Variants in BTNL8 observed in about 807,000 individuals in gnomAD.
The protein encoded by BTNL8 is butyrophilin like 8.
BTNL8 carries 22 observed loss-of-function variants against 36.1 expected under a neutral mutation model. The ratio of observed to expected loss-of-function variants is 0.61; its 90% CI spans 0.44 to 0.87. BTNL8 has a LOEUF of 0.87. BTNL8 is among the 40% of genes least tolerant of loss of function. The probability of loss-of-function intolerance (pLI) is 0.00; values close to 1 mark genes in which losing one functional copy is unlikely to be tolerated. For synonymous variants in BTNL8, 203 were observed against 235.6 expected (o/e 0.86, Z 1.27); for missense variants, 526 against 616.9 (o/e 0.85, Z 1.56).
At chr5:180,939,343 G>C (rs963948520) in intron 3 of BTNL8, among the ~76,000 whole-genome samples, 3 of 151,750 alleles carry the variant, frequency 2.0e-5, no homozygotes, top group African/African-American at 7.3e-5. Flanking sequence ...CACAAAGACT[G>C]AAATTGAGGG....
chr5:180,929,980 C>A (rs1385399086), intron 3 of BTNL8, among the ~76,000 whole-genome samples: 1 of 152,206 alleles, frequency 6.6e-6, no homozygotes, highest in Admixed American at 6.5e-5. Flanking sequence ...CCACCATCAT[C>A]CTGATACCAA....
chr5:180,936,406 A>T (rs1326499643), intron 3 of BTNL8, among the ~76,000 whole-genome samples: 1 of 152,172 alleles, frequency 6.6e-6, no homozygotes, highest in African/African-American at 2.4e-5. Flanking sequence ...TGAAAGATAC[A>T]ACATCAACAT....
intron 3 of BTNL8, among the ~76,000 whole-genome samples, chr5:180,919,219 GT>G (rs1300861563): frequency 6.6e-6 from 1 of 152,170 alleles, no homozygotes; most frequent in Non-Finnish European, 1.5e-5. Flanking sequence ...CAAAGAGTCT[GT>G]TTTGTCAGTC....
chr5:180,901,729 C>T (rs1420180761), intron 1 of BTNL8, among the ~76,000 whole-genome samples: 1 of 151,970 alleles, frequency 6.6e-6, no homozygotes, highest in East Asian at 1.9e-4. Flanking sequence ...CATACATGTA[C>T]CAAGAATTTT....
In BTNL8 at chr5:180,899,374, T is replaced by G; in HGVS notation, c.49+15T>G. 6.2e-7 allele frequency: 1 copy of G among 1,608,858 alleles called. No individual in the cohort carries two copies. Among genetic ancestry groups the G allele is most frequent in the Non-Finnish European group, 8.5e-7 (1 of 1,175,188 alleles). On this transcript the variant is annotated intron_variant, in intron 1 of 7. Transcript: ENST00000340184. ...GCTGGGATCAGGTAAGACTCATCTTTGTTTCCTCCTTACTAACTAACAGTT... is the reference window on the plus strand; with the variant it reads ...GCTGGGATCAGGTAAGACTCATCTTGGTTTCCTCCTTACTAACTAACAGTT...
intron 3 of BTNL8, among the ~76,000 whole-genome samples, chr5:180,942,495 A>G (rs1197917014): frequency 6.6e-6 from 1 of 152,192 alleles, no homozygotes; most frequent in Non-Finnish European, 1.5e-5. Flanking sequence ...ACATTACTGA[A>G]TAAAAGAACA....
chr5:180,921,502 A>G (rs1283267277), intron 3 of BTNL8, among the ~76,000 whole-genome samples: 1 of 152,032 alleles, frequency 6.6e-6, no homozygotes, highest in Non-Finnish European at 1.5e-5. Flanking sequence ...GGGGAGGGAA[A>G]AATGGGAAGG....
intron 3 of BTNL8, among the ~76,000 whole-genome samples, chr5:180,942,596 CAGA>C: frequency 6.6e-6 from 1 of 152,186 alleles, no homozygotes; most frequent in East Asian, 1.9e-4. Flanking sequence ...AGCAGACACA[CAGA>C]AGAATGAGAC....
intron 1 of BTNL8, among the ~76,000 whole-genome samples, chr5:180,899,575 G>A (rs113292119): frequency 0.027 from 4,151 of 152,226 alleles, 92 homozygotes; most frequent in East Asian, 0.11. Flanking sequence ...GATCGTTGAC[G>A]GGGACACACC....
intron 3 of BTNL8, among the ~76,000 whole-genome samples, chr5:180,925,919 T>C (rs1445863398): frequency 2.0e-5 from 3 of 152,204 alleles, no homozygotes; most frequent in East Asian, 3.8e-4. Flanking sequence ...AGTGAAAGTG[T>C]AGAGTTTTTG....
At chr5:180,942,130 A>G (rs1297970617) in intron 3 of BTNL8, among the ~76,000 whole-genome samples, 2 of 152,178 alleles carry the variant, frequency 1.3e-5, no homozygotes, top group East Asian at 3.8e-4. Context: ...TAAATTCAGT[A>G]GTGTTTCTAC....
At chr5:180,907,526 CAA>C (rs1757137957) in intron 1 of BTNL8, among the ~76,000 whole-genome samples, 1 of 148,468 alleles carries the variant, frequency 6.7e-6, no homozygotes, top group South Asian at 2.1e-4. Flanking sequence ...CTCAGCTCGT[CAA>C]AGTCATTCTC....
At chr5:180,948,593 C>A in intron 5 of BTNL8, 2 of 1,204,136 alleles carry the variant, frequency 1.7e-6, no homozygotes, top group South Asian at 1.4e-5. Flanking sequence ...GAAGTCCCCA[C>A]AAATTGTCTG....
Position 180,911,350 on chromosome 5 carries a change from G to A in BTNL8, c.409G>A (p.Val137Ile), listed in dbSNP as rs756340453. Residue 137 changes from valine to isoleucine, a missense_variant, in exon 3 of 8, where the codon GTT (valine) becomes ATT (isoleucine). Around this residue, in one of 2 missense-constraint regions of BTNL8, gnomAD observed 350 missense variants for 324.6 expected, o/e 1.08. Transcript: ENST00000340184. ...WELQVSALGS[V>I]PLISITGYVD... ...TGTTTTCTCCCCAGCACTGGGCTCA[G>A]TTCCTCTCATTTCCATCACGGGATA... 15 of 1,614,166 alleles carry A rather than the reference G, an allele frequency of 9.3e-6. No individual in the cohort carries two copies. The highest frequency in any genetic ancestry group is 1.3e-5 in the Non-Finnish European group (15 of 1,180,030).
intron 1 of BTNL8, among the ~76,000 whole-genome samples, chr5:180,908,153 A>T (rs1044935078): frequency 1.3e-5 from 2 of 152,186 alleles, no homozygotes; most frequent in African/African-American, 4.8e-5. Context: ...CTGTGCTAGC[A>T]ATCAGCGAGA....
At chr5:180,934,323 T>C (rs1318251086) in intron 3 of BTNL8, among the ~76,000 whole-genome samples, 1 of 152,220 alleles carries the variant, frequency 6.6e-6, no homozygotes, top group Non-Finnish European at 1.5e-5. Flanking sequence ...TGACAACCCA[T>C]AGCTAACATT....
Position 180,935,706 on chromosome 5 carries a change from A to G in BTNL8, c.674-11806A>G, listed in dbSNP as rs979124046. ...GACTCCTGCCCCGTGGACTTGGTAGAGAGTGGGGCTCCCCCCATTCCCAGC... is the reference window on the plus strand; with the variant it reads ...GACTCCTGCCCCGTGGACTTGGTAGGGAGTGGGGCTCCCCCCATTCCCAGC... On this transcript the variant is annotated intron_variant, in intron 3 of 7. Coordinates refer to ENST00000340184, the MANE Select transcript of BTNL8 (RefSeq NM_001040462.3). This position sits in a 1 kb window ranked among gnomAD's most constrained non-coding sequence, Gnocchi z 4.8. Among the ~76,000 whole-genome samples, 4 of 152,090 alleles carry G rather than the reference A, an allele frequency of 2.6e-5. No homozygotes were observed. Among genetic ancestry groups the G allele is most frequent in the Admixed American group, 2.0e-4 (3 of 15,278 alleles).
chr5:180,930,833 T>A (rs1277121027), intron 3 of BTNL8, among the ~76,000 whole-genome samples: 1 of 152,082 alleles, frequency 6.6e-6, no homozygotes, highest in Non-Finnish European at 1.5e-5. Flanking sequence ...AATGGAAGAA[T>A]ATTCCATGCT....
At position 180,935,537 on chromosome 5, in the gene BTNL8, A is replaced by G. The variant is rs575687389; in HGVS notation, c.674-11975A>G. Among the ~76,000 whole-genome samples the G allele has an allele frequency of 2.5e-3, 380 of 152,366 alleles. 2 individuals carry two copies. Among genetic ancestry groups the G allele is most frequent in the African/African-American group, 8.8e-3 (368 of 41,594 alleles). ...AACTTTGCTTTGCACTGGAGTGGAC[A>G]CCAGGAGCAGGGAGAGGGTAGGAAG... On this transcript the variant is annotated intron_variant, in intron 3 of 7. Transcript: ENST00000340184. The surrounding 1 kb of genome is among the most constrained non-coding windows in gnomAD (Gnocchi z 4.8).
Sources: allele counts gnomAD v4.1 joint callset (sites outside exome capture counted in the v4.1 genomes callset), GRCh38; gene constraint gnomAD v4.1.1; regional missense constraint gnomAD v4.1.1; non-coding constraint Gnocchi (gnomAD v3.1); transcripts MANE v1.5; gene names NCBI Gene and HGNC (gene_info 2026-07-23, HGNC 2026-07-21).